The following IL1RAPL1 variants were observed in gnomAD, a reference collection of about 807,000 sequenced individuals.
The protein encoded by IL1RAPL1 is interleukin-1 receptor accessory protein-like 1.
A neutral mutation model predicts 48.4 loss-of-function variants in IL1RAPL1; 3 were observed. The ratio of observed to expected loss-of-function variants is 0.06; its 90% CI spans 0.03 to 0.16. IL1RAPL1 has a LOEUF of 0.16. Among genes scored for constraint, IL1RAPL1 ranks in the 10% least tolerant of loss-of-function variants. The probability of loss-of-function intolerance (pLI) is 1.00; values close to 1 mark genes in which losing one functional copy is unlikely to be tolerated. For missense variants in IL1RAPL1, 349 were observed against 530.6 expected (o/e 0.66, Z 3.36); for synonymous variants, 185 against 187.7 (o/e 0.99, Z 0.12).
At chrX:29,782,092 G>GTCTATCTATCTATCTATCTA (rs1268932298) in intron 6 of IL1RAPL1, among the ~76,000 whole-genome samples, 1 of 74,234 alleles carries the variant, frequency 1.3e-5, no homozygotes, top group African/African-American at 4.5e-5. Flanking sequence ...CTGTCTGTCT[G>GTCTATCTATCTATCTATCTA]TCTGTCTGTC....
At position 28,587,556 on chromosome X, in the gene IL1RAPL1, A is replaced by G. The variant is rs1383980817; in HGVS notation, c.-516A>G. ...GATCTGGAAATTTTACTTGGGGACC[A>G]GGAGGATTTGAAAGGCTGCATGTAC... On this transcript the variant is annotated 5_prime_UTR_variant, in exon 1 of 11. Coordinates refer to ENST00000378993, the MANE Select transcript of IL1RAPL1 (RefSeq NM_014271.4). 9.0e-6 allele frequency: 1 copy of G among 110,894 alleles called. No individual in the cohort carries two copies. Among genetic ancestry groups the G allele is most frequent in the Non-Finnish European group, 1.9e-5 (1 of 53,018 alleles). 9.1% of individuals were successfully genotyped at this position (110,894 alleles called of 1,213,427 possible). A position where few individuals can be genotyped will look rare whatever the true frequency, so the allele number is the denominator to read the frequency against.
At chrX:29,098,718 A>G (rs905937079) in intron 2 of IL1RAPL1, among the ~76,000 whole-genome samples, 6 of 112,588 alleles carry the variant, frequency 5.3e-5, no homozygotes, top group Non-Finnish European at 1.1e-4. Context: ...TCATTAACAG[A>G]AGAATTTACA....
chrX:29,919,601 G>A (rs1220302808), intron 7 of IL1RAPL1, among the ~76,000 whole-genome samples: 1 of 112,306 alleles, frequency 8.9e-6, no homozygotes, highest in African/African-American at 3.2e-5. Context: ...TTCAGCCTGA[G>A]ACATTAGAAT....
At chrX:29,392,743 T>C (rs1172568092) in intron 3 of IL1RAPL1, among the ~76,000 whole-genome samples, 1 of 111,901 alleles carries the variant, frequency 8.9e-6, no homozygotes, top group Admixed American at 9.5e-5. Context: ...AAAGAGGTGA[T>C]GGCTGTGGTA....
intron 6 of IL1RAPL1, among the ~76,000 whole-genome samples, chrX:29,906,460 AATATATATATATAT>A (rs1164023016): frequency 0.015 from 433 of 29,772 alleles, 12 homozygotes; most frequent in Admixed American, 0.021. Context: ...TAACTTTGTA[AATATATATATATAT>A]ATATATATAT....
chrX:29,693,372 C>T (rs1926825016), intron 6 of IL1RAPL1, among the ~76,000 whole-genome samples: 1 of 112,111 alleles, frequency 8.9e-6, no homozygotes. Context: ...ATTCTGCTGC[C>T]GTGGTGTCCT....
At chrX:28,780,299 AC>A (rs1936407144) in intron 1 of IL1RAPL1, among the ~76,000 whole-genome samples, 1 of 105,666 alleles carries the variant, frequency 9.5e-6, no homozygotes, top group Non-Finnish European at 1.9e-5. Context: ...TCCACAGTAT[AC>A]ATTTCATTCT....
At chrX:29,615,132 T>C (rs1003382874) in intron 5 of IL1RAPL1, among the ~76,000 whole-genome samples, 1 of 111,938 alleles carries the variant, frequency 8.9e-6, no homozygotes, top group Non-Finnish European at 1.9e-5. Flanking sequence ...AAATGAAGGA[T>C]GCAAAATATA....
At chrX:29,193,860 C>T (rs888248628) in intron 2 of IL1RAPL1, among the ~76,000 whole-genome samples, 9 of 111,927 alleles carry the variant, frequency 8.0e-5, no homozygotes, top group African/African-American at 2.9e-4. Flanking sequence ...ACTAGGGTTA[C>T]ATGTTACTTA....
intron 1 of IL1RAPL1, among the ~76,000 whole-genome samples, chrX:28,609,107 A>C (rs1286474106): frequency 8.9e-6 from 1 of 112,283 alleles, no homozygotes; most frequent in Non-Finnish European, 1.9e-5. Context: ...AAAGGGAAAA[A>C]TGTAGTGATT....
chrX:29,154,331 G>A (rs1929525320), intron 2 of IL1RAPL1, among the ~76,000 whole-genome samples: 1 of 111,362 alleles, frequency 9.0e-6, no homozygotes, highest in African/African-American at 3.3e-5. Flanking sequence ...CCTGAGATCA[G>A]GAGTTCGAGA....
chrX:29,436,024 ATATAAACCATTC>A (rs1295939414), intron 5 of IL1RAPL1, among the ~76,000 whole-genome samples: 1 of 109,866 alleles, frequency 9.1e-6, no homozygotes, highest in Non-Finnish European at 1.9e-5. Context: ...TAATACCAAT[ATATAAACCATTC>A]TTTCAGGGTA....
At chrX:28,606,409 C>G (rs1176482099) in intron 1 of IL1RAPL1, among the ~76,000 whole-genome samples, 3 of 111,416 alleles carry the variant, frequency 2.7e-5, no homozygotes, top group African/African-American at 9.8e-5. Flanking sequence ...CAGCATGAAC[C>G]CTTTTTCTCA....
intron 3 of IL1RAPL1, among the ~76,000 whole-genome samples, chrX:29,392,664 G>T (rs1933868151): frequency 8.9e-6 from 1 of 112,134 alleles, no homozygotes; most frequent in Non-Finnish European, 1.9e-5. Context: ...AGGAAAATAA[G>T]AATACCTAAG....
At chrX:29,070,184 G>A (rs948410634) in intron 2 of IL1RAPL1, among the ~76,000 whole-genome samples, 9 of 111,498 alleles carry the variant, frequency 8.1e-5, no homozygotes, top group African/African-American at 2.9e-4. Context: ...AAAACCTTTA[G>A]GATCCAAAGA....
intron 1 of IL1RAPL1, among the ~76,000 whole-genome samples, chrX:28,679,801 C>G (rs1935037626): frequency 9.0e-6 from 1 of 111,308 alleles, no homozygotes; most frequent in African/African-American, 3.3e-5. Context: ...CTATTTTGTT[C>G]TATTGGTTTC....
intron 6 of IL1RAPL1, among the ~76,000 whole-genome samples, chrX:29,829,270 A>G (rs1328161385): frequency 1.8e-5 from 2 of 108,807 alleles, no homozygotes; most frequent in Non-Finnish European, 3.8e-5. Flanking sequence ...GTTACATGAC[A>G]TGGAAGGTTT....
intron 5 of IL1RAPL1, among the ~76,000 whole-genome samples, chrX:29,539,474 GC>G (rs765698209): frequency 1.4e-4 from 16 of 111,208 alleles, no homozygotes; most frequent in Non-Finnish European, 2.8e-4. Flanking sequence ...AGACAAGGAT[GC>G]CCCCTCTCAC....
chrX:29,056,777 C>G (rs185732689), intron 2 of IL1RAPL1, among the ~76,000 whole-genome samples: 148 of 111,953 alleles, frequency 1.3e-3, no homozygotes, highest in African/African-American at 4.5e-3. Context: ...TTTCCTGATG[C>G]TCATTTCTTA....
Sources: allele counts gnomAD v4.1 joint callset (sites outside exome capture counted in the v4.1 genomes callset), GRCh38; gene constraint gnomAD v4.1.1; transcripts MANE v1.5; gene names NCBI Gene and HGNC (gene_info 2026-07-23, HGNC 2026-07-21).